Variants in CEP128 observed in about 807,000 individuals in gnomAD.
CEP128 encodes centrosomal protein 128.
Under a neutral mutation model 156.7 loss-of-function variants are expected in CEP128, and 132 were observed. The observed-to-expected ratio is 0.84, with a 90% CI of 0.73 to 0.97. CEP128 has a LOEUF of 0.97. Ranked by LOEUF, CEP128 falls within the 50% of genes least tolerant of loss-of-function variation. The probability of loss-of-function intolerance (pLI) is 0.00; values close to 1 mark genes in which losing one functional copy is unlikely to be tolerated. For missense variants in CEP128, 1,252 were observed against 1,281.9 expected, an observed-to-expected ratio of 0.98 and a Z score of 0.36; for synonymous variants, 469 against 448.9, an observed-to-expected ratio of 1.04 and a Z score of -0.57.
chr14:80,861,393 AC>A, intron 9 of CEP128, among the ~76,000 whole-genome samples: 1 of 152,106 alleles, frequency 6.6e-6, no homozygotes, highest in African/African-American at 2.4e-5. Flanking sequence ...GGATAAATCC[AC>A]CCAGTAGGCA....
At chr14:80,676,556 C>T (rs1415371943) in intron 19 of CEP128, among the ~76,000 whole-genome samples, 3 of 152,054 alleles carry the variant, frequency 2.0e-5, no homozygotes, top group African/African-American at 7.2e-5. Flanking sequence ...CACTAGCTGG[C>T]AGCTAAGACT....
At chr14:80,894,793 AG>A in intron 8 of CEP128, 1 of 301,968 alleles carries the variant, frequency 3.3e-6, no homozygotes, top group Non-Finnish European at 6.4e-6. Context: ...ATTTTCAAAA[AG>A]ATCAACTTAG....
At position 80,706,966 on chromosome 14, in the gene CEP128, T is replaced by C. The variant is rs879525562; in HGVS notation, c.2806+36109A>G. 3.4e-4 allele frequency among the ~76,000 whole-genome samples: 52 copies of C among 152,170 alleles called. 1 individual carries two copies. Among genetic ancestry groups the C allele is most frequent in the Non-Finnish European group, 1.9e-4 (13 of 68,026 alleles). ...TGTTGTATTTCTCATTTCCATAACA[T>C]CCATTTGGTACTTTTGCATAACTTT... On this transcript the variant is annotated intron_variant, in intron 19 of 24. Transcript: ENST00000555265.
At chr14:80,801,979 A>G (rs1029411037) in intron 13 of CEP128, among the ~76,000 whole-genome samples, 5 of 150,716 alleles carry the variant, frequency 3.3e-5, no homozygotes, top group Non-Finnish European at 7.4e-5. Flanking sequence ...AATCAAAACC[A>G]CAATGAGATA....
chr14:80,661,974 A>T (rs927993299), intron 19 of CEP128, among the ~76,000 whole-genome samples: 1 of 152,172 alleles, frequency 6.6e-6, no homozygotes, highest in African/African-American at 2.4e-5. Flanking sequence ...AGTTTCTATT[A>T]AATCTTCCAT....
intron 19 of CEP128, among the ~76,000 whole-genome samples, chr14:80,661,784 T>A (rs1391171219): frequency 6.6e-6 from 1 of 152,212 alleles, no homozygotes; most frequent in Non-Finnish European, 1.5e-5. Context: ...ACTTTATAAT[T>A]CAAAATTTTC....
Position 80,688,339 on chromosome 14 carries a change from G to A in CEP128, c.2806+54736C>T, listed in dbSNP as rs148638187. Reference sequence around the variant, plus strand: ...GTCCAGAATCCATACCAACCTTAACGCTCTGCTCCCTGCTGCATTGTCTTC... The same window carrying A: ...GTCCAGAATCCATACCAACCTTAACACTCTGCTCCCTGCTGCATTGTCTTC... On this transcript the variant is annotated intron_variant, in intron 19 of 24. Transcript: ENST00000555265. 5.4e-4 allele frequency among the ~76,000 whole-genome samples: 82 copies of A among 152,094 alleles called. 1 individual carries two copies. Among genetic ancestry groups the A allele is most frequent in the Middle Eastern group, 3.4e-3 (1 of 294 alleles).
intron 19 of CEP128, among the ~76,000 whole-genome samples, chr14:80,741,533 A>T (rs328240): frequency 0.66 from 99,949 of 151,984 alleles, 33,285 homozygotes; most frequent in East Asian, 0.79. Flanking sequence ...GTATGACAAC[A>T]TGGATCTATG....
chr14:80,642,015 G>C lies in CEP128; in HGVS notation c.2807-61592C>G, dbSNP rs190778242. On this transcript the variant is annotated intron_variant, in intron 19 of 24. Coordinates refer to ENST00000555265, the MANE Select transcript of CEP128 (RefSeq NM_152446.5). The stretch of plus-strand genomic sequence containing the variant: ...TGAGGCAGAAGAATGATGTGAACCC[G>C]GGAGGCGGAGCTTGCAGTGAGCCAA... 4.2e-4 allele frequency among the ~76,000 whole-genome samples: 61 copies of C among 146,728 alleles called. 1 individual carries two copies. The East Asian group carries it at 0.011, about 27-fold the overall frequency.
At position 80,702,822 on chromosome 14, in the gene CEP128, T is replaced by C. The variant is rs568531624; in HGVS notation, c.2806+40253A>G. ...CCTGCTTATTTTGTGAACTCTGCTA[T>C]ATTAAGAGCTACTTCATTATCAGGA... On this transcript the variant is annotated intron_variant, in intron 19 of 24. Coordinates refer to ENST00000555265, the MANE Select transcript of CEP128 (RefSeq NM_152446.5). Among the ~76,000 whole-genome samples the C allele has an allele frequency of 1.4e-4, 22 of 152,282 alleles. No individual in the cohort carries two copies. The South Asian group carries it at 4.4e-3, about 30-fold the overall frequency.
chr14:80,955,380 C>A, intron 2 of CEP128: 1 of 508,890 alleles, frequency 2.0e-6, no homozygotes, highest in Non-Finnish European at 3.6e-6. Context: ...ACAGAGGGGA[C>A]AGCCAGGACT....
At chr14:80,650,486 G>T (rs1485759991) in intron 19 of CEP128, among the ~76,000 whole-genome samples, 1 of 152,118 alleles carries the variant, frequency 6.6e-6, no homozygotes, top group African/African-American at 2.4e-5. Flanking sequence ...GGGCATCCTT[G>T]TCTTGTGCCA....
At chr14:80,739,859 A>T (rs1898717591) in intron 19 of CEP128, among the ~76,000 whole-genome samples, 1 of 152,170 alleles carries the variant, frequency 6.6e-6, no homozygotes, top group Non-Finnish European at 1.5e-5. Context: ...AGAAAAGACA[A>T]ATACTGTTAC....
chr14:80,560,288 G>A lies in CEP128; in HGVS notation c.2857-986C>T, dbSNP rs972490188. Among the ~76,000 whole-genome samples the A allele has an allele frequency of 7.6e-4, 116 of 152,140 alleles. 1 individual carries two copies. The highest frequency in any genetic ancestry group is 7.2e-4 in the Non-Finnish European group (49 of 67,994). ...TAAAAATTAAAAAGTAGCCAGGTGC[G>A]GTGCCGCGTGCCTGTAATCCCACCT... On this transcript the variant is annotated intron_variant, in intron 20 of 24. Transcript: ENST00000555265.
rs1895634763 is a variant in CEP128 at position 80,666,766 on chromosome 14, A to G, written c.2806+76309T>C. ...ACCAAACGCATAAAAACAATAAACC[A>G]TGAGTCCAAGGAGAAAACTAAAGCA... On this transcript the variant is annotated intron_variant, in intron 19 of 24. Coordinates refer to ENST00000555265, the MANE Select transcript of CEP128 (RefSeq NM_152446.5). Among the ~76,000 whole-genome samples, 3 of 152,036 alleles carry G rather than the reference A, an allele frequency of 2.0e-5. No homozygotes were observed. In the South Asian group the frequency reaches 6.2e-4, roughly 31 times the overall value.
At chr14:80,801,408 G>A (rs1056831774) in intron 13 of CEP128, among the ~76,000 whole-genome samples, 5 of 151,802 alleles carry the variant, frequency 3.3e-5, no homozygotes, top group East Asian at 1.9e-4. Context: ...TTTGACATAC[G>A]TCCCATCAAT....
intron 19 of CEP128, among the ~76,000 whole-genome samples, chr14:80,703,651 A>T (rs968087418): frequency 1.3e-5 from 2 of 152,084 alleles, no homozygotes; most frequent in African/African-American, 4.8e-5. Context: ...AATAGAGATC[A>T]CTTCTATCTT....
intron 22 of CEP128, chr14:80,527,349 T>C (rs974539864): frequency 6.0e-6 from 2 of 334,262 alleles, no homozygotes; most frequent in African/African-American, 2.1e-5. Flanking sequence ...AGAATGAGGA[T>C]TGCTTGAGCC....
At chr14:80,686,800 C>A (rs1896540137) in intron 19 of CEP128, among the ~76,000 whole-genome samples, 2 of 151,846 alleles carry the variant, frequency 1.3e-5, no homozygotes, top group African/African-American at 2.4e-5. Context: ...AAACAACCAA[C>A]AAAGATTCTT....
Sources: allele counts gnomAD v4.1 joint callset (sites outside exome capture counted in the v4.1 genomes callset), GRCh38; gene constraint gnomAD v4.1.1; transcripts MANE v1.5; gene names NCBI Gene and HGNC (gene_info 2026-07-23, HGNC 2026-07-21).